The following NRXN3 variants were observed in gnomAD, a reference collection of about 807,000 sequenced individuals.
NRXN3 encodes the protein neurexin 3.
A neutral mutation model predicts 137.6 loss-of-function variants in NRXN3; 32 were observed. The ratio of observed to expected loss-of-function variants is 0.23; its 90% CI spans 0.18 to 0.31. NRXN3 has a LOEUF of 0.31. NRXN3 is among the 10% of genes least tolerant of loss of function. The pLI is 1.00. For synonymous variants in NRXN3, 798 were observed against 784.5 expected (o/e 1.02, Z -0.29); for missense variants, 1,574 against 2,062.5 (o/e 0.76, Z 4.59).
At chr14:79,758,079 A>C (rs2099025891) in intron 19 of NRXN3, among the ~76,000 whole-genome samples, 1 of 152,124 alleles carries the variant, frequency 6.6e-6, no homozygotes, top group Non-Finnish European at 1.5e-5. Flanking sequence ...TTTTTACAGG[A>C]AACTAAGTCC....
At chr14:79,725,488 G>A (rs1314800940) in intron 19 of NRXN3, among the ~76,000 whole-genome samples, 1 of 152,142 alleles carries the variant, frequency 6.6e-6, no homozygotes, top group Non-Finnish European at 1.5e-5. Context: ...AAGTGGACAC[G>A]TGAATTCCAT....
chr14:79,001,485 C>T (rs2099541265), intron 15 of NRXN3, among the ~76,000 whole-genome samples: 1 of 152,182 alleles, frequency 6.6e-6, no homozygotes, highest in Admixed American at 6.5e-5. Context: ...GGTCAGGTTT[C>T]TCGCTGTCAC....
intron 16 of NRXN3, among the ~76,000 whole-genome samples, chr14:79,605,736 T>A (rs1399931427): frequency 1.3e-5 from 2 of 152,124 alleles, no homozygotes; most frequent in Non-Finnish European, 2.9e-5. Context: ...GTGATCTGCC[T>A]ACCTCGGCCT....
chr14:79,465,581 A>G (rs1327395935), intron 15 of NRXN3, among the ~76,000 whole-genome samples: 1 of 152,222 alleles, frequency 6.6e-6, no homozygotes, highest in Non-Finnish European at 1.5e-5. Context: ...CTAGTCTCAC[A>G]AGAGTTAACT....
At chr14:78,477,061 G>T (rs2095392222) in intron 4 of NRXN3, among the ~76,000 whole-genome samples, 1 of 152,116 alleles carries the variant, frequency 6.6e-6, no homozygotes, top group African/African-American at 2.4e-5. Flanking sequence ...CAGGAACTTT[G>T]TACACTCTGC....
chr14:79,084,456 C>A (rs2047686098), intron 15 of NRXN3, among the ~76,000 whole-genome samples: 1 of 152,134 alleles, frequency 6.6e-6, no homozygotes, highest in Non-Finnish European at 1.5e-5. Context: ...ATATTGCCAA[C>A]TGACTATCAT....
At chr14:78,751,330 A>G (rs2098640841) in intron 8 of NRXN3, among the ~76,000 whole-genome samples, 1 of 152,210 alleles carries the variant, frequency 6.6e-6, no homozygotes, top group South Asian at 2.1e-4. Flanking sequence ...ACATGGGGAT[A>G]AATTCTCTTT....
chr14:79,830,019 A>G (rs2099318116), intron 20 of NRXN3, among the ~76,000 whole-genome samples: 1 of 152,236 alleles, frequency 6.6e-6, no homozygotes, highest in Non-Finnish European at 1.5e-5. Flanking sequence ...AAATCCATTC[A>G]TGCTGTGAAA....
intron 19 of NRXN3, among the ~76,000 whole-genome samples, chr14:79,773,108 C>T (rs1337452134): frequency 3.9e-5 from 6 of 152,176 alleles, no homozygotes; most frequent in African/African-American, 1.4e-4. Flanking sequence ...GAATGGCAAT[C>T]ATTAAAAAGT....
At chr14:78,626,521 G>A (rs1458369527) in intron 4 of NRXN3, among the ~76,000 whole-genome samples, 3 of 152,172 alleles carry the variant, frequency 2.0e-5, no homozygotes, top group Non-Finnish European at 4.4e-5. Flanking sequence ...TTGTTTACAA[G>A]TAATTTTATT....
At chr14:78,842,702 C>G (rs1466930454) in intron 10 of NRXN3, among the ~76,000 whole-genome samples, 2 of 152,082 alleles carry the variant, frequency 1.3e-5, no homozygotes, top group Non-Finnish European at 2.9e-5. Flanking sequence ...CATCCCACAG[C>G]TGTGACCATA....
intron 4 of NRXN3, among the ~76,000 whole-genome samples, chr14:78,489,625 T>G (rs1431715087): frequency 6.6e-6 from 1 of 152,156 alleles, no homozygotes. Flanking sequence ...CAACAGAAAC[T>G]TCATCTTTTC....
chr14:79,435,713 C>T (rs1229355988), intron 15 of NRXN3, among the ~76,000 whole-genome samples: 1 of 152,020 alleles, frequency 6.6e-6, no homozygotes, highest in Non-Finnish European at 1.5e-5. Context: ...TAGCTCACTG[C>T]AGTCCCAATC....
intron 10 of NRXN3, among the ~76,000 whole-genome samples, chr14:78,953,572 A>G (rs2099391042): frequency 6.6e-6 from 1 of 152,230 alleles, no homozygotes; most frequent in South Asian, 2.1e-4. Context: ...CTGTTCTACA[A>G]TAGTAAACAA....
intron 8 of NRXN3, among the ~76,000 whole-genome samples, chr14:78,737,389 C>G (rs1567183125): frequency 2.0e-5 from 3 of 152,096 alleles, no homozygotes; most frequent in Admixed American, 6.5e-5. Context: ...GGCACCTTAC[C>G]CTGCACCCCA....
intron 15 of NRXN3, among the ~76,000 whole-genome samples, chr14:79,179,915 C>T (rs998533562): frequency 2.6e-5 from 4 of 152,174 alleles, no homozygotes; most frequent in Non-Finnish European, 4.4e-5. Context: ...ACTGCCACTG[C>T]ATTCTATTTC....
intron 2 of NRXN3, among the ~76,000 whole-genome samples, chr14:78,260,036 G>A (rs1247809167): frequency 6.6e-6 from 1 of 152,126 alleles, no homozygotes; most frequent in Non-Finnish European, 1.5e-5. Flanking sequence ...GCTGAAACTC[G>A]GGAATGTTAT....
intron 16 of NRXN3, among the ~76,000 whole-genome samples, chr14:79,587,855 T>C (rs1307832365): frequency 6.6e-6 from 1 of 152,208 alleles, no homozygotes. Context: ...TCTGTTTTCA[T>C]TTGTAGATAT....
At chr14:79,152,131 G>T (rs185003666) in intron 15 of NRXN3, among the ~76,000 whole-genome samples, 2 of 151,998 alleles carry the variant, frequency 1.3e-5, no homozygotes, top group East Asian at 3.9e-4. Context: ...TACAGACACC[G>T]TGCTGTTTCT....
Sources: allele counts gnomAD v4.1 joint callset (sites outside exome capture counted in the v4.1 genomes callset), GRCh38; gene constraint gnomAD v4.1.1; transcripts MANE v1.5; gene names NCBI Gene and HGNC (gene_info 2026-07-23, HGNC 2026-07-21).